The following PRKN variants were observed in gnomAD, a reference collection of about 807,000 sequenced individuals.
PRKN encodes the protein E3 ubiquitin-protein ligase parkin.
In PRKN, 56 loss-of-function variants were observed where a neutral mutation model predicts 59.5. The ratio of observed to expected loss-of-function variants is 0.94; its 90% CI spans 0.76 to 1.18. The LOEUF is 1.18. Ranked by LOEUF, PRKN falls within the 50% of genes most tolerant of loss-of-function variation. The probability of loss-of-function intolerance (pLI) is 0.00; values close to 1 mark genes in which losing one functional copy is unlikely to be tolerated. For synonymous variants in PRKN, 250 were observed against 222.1 expected (o/e 1.13, Z -1.12); for missense variants, 657 against 596.4 (o/e 1.10, Z -1.06).
chr6:161,872,582 G>A (rs1347373609), intron 6 of PRKN, among the ~76,000 whole-genome samples: 2 of 152,064 alleles, frequency 1.3e-5, no homozygotes, highest in Non-Finnish European at 2.9e-5. Context: ...GGCTTTCCTG[G>A]TCACACAGAG....
rs186133812 is a variant in PRKN, at chr6:161,612,590, G to A, written c.872-43174C>T. 2.2e-4 allele frequency among the ~76,000 whole-genome samples: 34 copies of A among 152,016 alleles called. No individual in the cohort carries two copies. The East Asian group carries it at 3.3e-3, about 15-fold the overall frequency. ...ACAAAAATTAGCCAGGCGTGGTGGC[G>A]TGAGCCTGTAGTCCCAGCTACTCAG... On this transcript the variant is annotated intron_variant, in intron 7 of 11. Transcript: ENST00000366898.
intron 9 of PRKN, among the ~76,000 whole-genome samples, chr6:161,455,043 T>C (rs553317159): frequency 1.6e-5 from 2 of 126,308 alleles, no homozygotes. Context: ...TTGACACGTG[T>C]TTTTTTTTTT....
intron 2 of PRKN, among the ~76,000 whole-genome samples, chr6:162,410,195 G>C (rs1388390558): frequency 7.6e-6 from 1 of 130,892 alleles, no homozygotes; most frequent in Non-Finnish European, 1.6e-5. Flanking sequence ...GACTTGCAAA[G>C]AATAAAATCT....
intron 6 of PRKN, among the ~76,000 whole-genome samples, chr6:161,820,678 AT>A (rs1791985532): frequency 6.7e-6 from 1 of 148,314 alleles, no homozygotes; most frequent in African/African-American, 2.4e-5. Context: ...ATAAATGGCA[AT>A]TTTTATAAGT....
At chr6:162,083,090 G>T (rs778984910) in intron 4 of PRKN, among the ~76,000 whole-genome samples, 3 of 151,948 alleles carry the variant, frequency 2.0e-5, no homozygotes, top group Non-Finnish European at 4.4e-5. Flanking sequence ...AAGTAGCTTG[G>T]ATTACAGGTG....
intron 1 of PRKN, among the ~76,000 whole-genome samples, chr6:162,475,301 C>A (rs2128179920): frequency 6.6e-6 from 1 of 152,296 alleles, no homozygotes; most frequent in South Asian, 2.1e-4. Context: ...ATAAGGACAT[C>A]TAAGAATTAT....
chr6:161,830,230 G>T (rs888345312), intron 6 of PRKN, among the ~76,000 whole-genome samples: 5 of 151,892 alleles, frequency 3.3e-5, no homozygotes, highest in African/African-American at 1.2e-4. Flanking sequence ...TAGTGTGTCG[G>T]GGTTACCTTT....
chr6:161,393,833 T>C lies in PRKN; in HGVS notation c.1084-6956A>G, dbSNP rs1368022807. 1.3e-5 allele frequency among the ~76,000 whole-genome samples: 2 copies of C among 151,768 alleles called. No homozygotes were observed. Among genetic ancestry groups the C allele is most frequent in the East Asian group, 3.9e-4 (2 of 5,130 alleles). ...GCATTCTATTATGTGCATTTATTTT[T>C]CTTCCACGGCTCTGAAATTCTGTGT... On this transcript the variant is annotated intron_variant, in intron 9 of 11. Transcript: ENST00000366898. This position sits in a 1 kb window ranked among gnomAD's most constrained non-coding sequence, Gnocchi z 4.7.
chr6:162,116,608 A>C (rs936875272), intron 4 of PRKN, among the ~76,000 whole-genome samples: 14 of 152,186 alleles, frequency 9.2e-5, no homozygotes, highest in African/African-American at 3.4e-4. Context: ...GCACATTTAG[A>C]TTGAGTGTGT....
At chr6:161,878,276 A>T (rs1794809983) in intron 6 of PRKN, among the ~76,000 whole-genome samples, 1 of 152,226 alleles carries the variant, frequency 6.6e-6, no homozygotes, top group Non-Finnish European at 1.5e-5. Flanking sequence ...ATATACAGAA[A>T]CATTTGTAAA....
At chr6:162,072,283 G>A (rs570206895) in intron 4 of PRKN, among the ~76,000 whole-genome samples, 1 of 151,838 alleles carries the variant, frequency 6.6e-6, no homozygotes, top group East Asian at 2.0e-4. Flanking sequence ...GCGAGACTCC[G>A]TCCAAAAAAA....
rs1192366329 is a variant in PRKN at position 161,579,106 on chromosome 6, A to C, written c.872-9690T>G. On this transcript the variant is annotated intron_variant, in intron 7 of 11. Coordinates refer to ENST00000366898, the MANE Select transcript of PRKN (RefSeq NM_004562.3). The surrounding 1 kb of genome is among the most constrained non-coding windows in gnomAD (Gnocchi z 4.2). ...ATTTTCTTTCTCCTGCTGCTCTCAA[A>C]AGTTTGTCCTTGGTTGACATCAGAG... Among the ~76,000 whole-genome samples the C allele has an allele frequency of 6.6e-6, 1 of 152,232 alleles. No homozygotes were observed. The highest frequency in any genetic ancestry group is 1.5e-5 in the Non-Finnish European group (1 of 68,034).
At chr6:162,718,017 C>T (rs1298440760) in intron 1 of PRKN, among the ~76,000 whole-genome samples, 1 of 152,140 alleles carries the variant, frequency 6.6e-6, no homozygotes, top group Non-Finnish European at 1.5e-5. Context: ...ATATAATTTG[C>T]CGGTATACTT....
chr6:162,527,288 T>G (rs886580396), intron 1 of PRKN, among the ~76,000 whole-genome samples: 6 of 152,144 alleles, frequency 3.9e-5, no homozygotes, highest in African/African-American at 7.2e-5. Context: ...ATAGTTACAG[T>G]GAGTGTATGA....
intron 4 of PRKN, among the ~76,000 whole-genome samples, chr6:162,200,358 G>A (rs553259648): frequency 6.6e-6 from 1 of 152,238 alleles, no homozygotes; most frequent in East Asian, 1.9e-4. Flanking sequence ...AGTATGTATT[G>A]CAGGCTTTGT....
chr6:162,277,074 T>C (rs1239770347), intron 2 of PRKN, among the ~76,000 whole-genome samples: 2 of 152,046 alleles, frequency 1.3e-5, no homozygotes, highest in African/African-American at 4.8e-5. Context: ...ACAGAATAAA[T>C]ATGGCAAGAA....
chr6:162,377,521 T>C (rs1311440462), intron 2 of PRKN, among the ~76,000 whole-genome samples: 1 of 152,244 alleles, frequency 6.6e-6, no homozygotes, highest in African/African-American at 2.4e-5. Context: ...TCCTTGAATC[T>C]AGTTCAAACT....
rs1367562535 is a variant in PRKN at position 161,547,849 on chromosome 6, C to T, written c.1083+1005G>A. Among the ~76,000 whole-genome samples the T allele has an allele frequency of 6.6e-6, 1 of 152,148 alleles. No individual in the cohort carries two copies. Among genetic ancestry groups the T allele is most frequent in the African/African-American group, 2.4e-5 (1 of 41,436 alleles). On this transcript the variant is annotated intron_variant, in intron 9 of 11. Transcript: ENST00000366898. This position sits in a 1 kb window ranked among gnomAD's most constrained non-coding sequence, Gnocchi z 4.0. ...GAGGTATTTCTTTCCACTTAGGCAC[C>T]ATGGTATCTCATTATTTTTCAACTT... is the stretch of plus-strand genomic sequence containing the variant.
At chr6:162,033,844 C>G (rs1169925853) in intron 5 of PRKN, among the ~76,000 whole-genome samples, 2 of 152,032 alleles carry the variant, frequency 1.3e-5, no homozygotes, top group Admixed American at 6.6e-5. Context: ...ATTTATTAAT[C>G]TCCAGAATTT....
Sources: allele counts gnomAD v4.1 joint callset (sites outside exome capture counted in the v4.1 genomes callset), GRCh38; gene constraint gnomAD v4.1.1; non-coding constraint Gnocchi (gnomAD v3.1); transcripts MANE v1.5; gene names NCBI Gene and HGNC (gene_info 2026-07-23, HGNC 2026-07-21).